Variants in CDH13 observed in about 807,000 individuals in gnomAD.
CDH13 encodes cadherin 13.
CDH13 carries 24 observed loss-of-function variants against 63.8 expected under a neutral mutation model. The ratio of observed to expected loss-of-function variants is 0.38; its 90% CI spans 0.27 to 0.53. The LOEUF is 0.53. Ranked by LOEUF, CDH13 falls within the 20% of genes least tolerant of loss-of-function variation. The pLI is 0.85. For missense variants in CDH13, 1,049 were observed against 903.1 expected, an observed-to-expected ratio of 1.16 and a Z score of -2.07; for synonymous variants, 503 against 355.3, an observed-to-expected ratio of 1.42 and a Z score of -4.67.
chr16:83,415,409 C>T (rs1290882549), intron 6 of CDH13, among the ~76,000 whole-genome samples: 2 of 152,174 alleles, frequency 1.3e-5, no homozygotes, highest in East Asian at 1.9e-4. Context: ...CTTCCAAACT[C>T]ATTTTATAAA....
chr16:83,281,486 T>G (rs1273895681), intron 5 of CDH13, among the ~76,000 whole-genome samples: 1 of 152,234 alleles, frequency 6.6e-6, no homozygotes, highest in Non-Finnish European at 1.5e-5. Context: ...TCCTTGCCAT[T>G]CATGTGTTTA....
At chr16:83,492,858 G>A (rs1181484426) in intron 7 of CDH13, among the ~76,000 whole-genome samples, 1 of 152,116 alleles carries the variant, frequency 6.6e-6, no homozygotes, top group Non-Finnish European at 1.5e-5. Context: ...GGACTCCACT[G>A]GTAACCGTAA....
intron 2 of CDH13, among the ~76,000 whole-genome samples, chr16:83,023,309 C>A (rs1029195949): frequency 6.6e-6 from 1 of 152,038 alleles, no homozygotes; most frequent in Non-Finnish European, 1.5e-5. Context: ...TACCCCCCGA[C>A]TCCACCCCGC....
chr16:83,222,981 C>T (rs939347536), intron 5 of CDH13, among the ~76,000 whole-genome samples: 29 of 151,968 alleles, frequency 1.9e-4, no homozygotes, highest in African/African-American at 6.8e-4. Flanking sequence ...CCACTAGATG[C>T]CAGTACCACC....
intron 1 of CDH13, among the ~76,000 whole-genome samples, chr16:82,716,063 C>T (rs1754134999): frequency 6.6e-6 from 1 of 152,202 alleles, no homozygotes; most frequent in Non-Finnish European, 1.5e-5. Flanking sequence ...AGGAAATGAC[C>T]TTCCAGGCAT....
At chr16:83,527,434 G>T (rs369384477) in intron 7 of CDH13, among the ~76,000 whole-genome samples, 2 of 151,140 alleles carry the variant, frequency 1.3e-5, no homozygotes, top group African/African-American at 4.9e-5. Flanking sequence ...GGGCGACAAA[G>T]CGAGACCCCA....
At chr16:83,490,922 T>TTC (rs1240099854) in intron 7 of CDH13, among the ~76,000 whole-genome samples, 1 of 152,186 alleles carries the variant, frequency 6.6e-6, no homozygotes, top group Non-Finnish European at 1.5e-5. Flanking sequence ...TGGATTTCTG[T>TTC]TCTCTCTCTC....
At chr16:83,202,963 C>A (rs191665936) in intron 4 of CDH13, among the ~76,000 whole-genome samples, 1 of 152,130 alleles carries the variant, frequency 6.6e-6, no homozygotes, top group South Asian at 2.1e-4. Flanking sequence ...CAGTGGCTCA[C>A]GCCTGTAATC....
At chr16:83,187,887 C>T (rs1220395636) in intron 4 of CDH13, among the ~76,000 whole-genome samples, 2 of 152,104 alleles carry the variant, frequency 1.3e-5, no homozygotes, top group African/African-American at 2.4e-5. Flanking sequence ...GGGAGGCCCT[C>T]AGTGAGAACT....
At chr16:83,604,887 C>A (rs9934524) in intron 8 of CDH13, among the ~76,000 whole-genome samples, 1 of 151,978 alleles carries the variant, frequency 6.6e-6, no homozygotes, top group Non-Finnish European at 1.5e-5. Flanking sequence ...AAAAAGAAAT[C>A]TTTGCTCAGT....
At chr16:83,335,175 C>T (rs2090566696) in intron 5 of CDH13, among the ~76,000 whole-genome samples, 1 of 152,092 alleles carries the variant, frequency 6.6e-6, no homozygotes, top group Admixed American at 6.5e-5. Flanking sequence ...GGAATCTCTG[C>T]AGAATTTTGT....
At chr16:83,355,031 C>G (rs2091025923) in intron 6 of CDH13, among the ~76,000 whole-genome samples, 1 of 152,068 alleles carries the variant, frequency 6.6e-6, no homozygotes, top group South Asian at 2.1e-4. Flanking sequence ...GCTTAGAACT[C>G]CATACATTTT....
At chr16:83,436,998 T>C (rs1002687345) in intron 6 of CDH13, among the ~76,000 whole-genome samples, 27 of 152,342 alleles carry the variant, frequency 1.8e-4, no homozygotes, top group African/African-American at 6.3e-4. Context: ...ATTTTGGTGC[T>C]TGAGAACAAA....
intron 6 of CDH13, among the ~76,000 whole-genome samples, chr16:83,377,083 T>A (rs902766609): frequency 1.3e-5 from 2 of 152,180 alleles, no homozygotes; most frequent in Non-Finnish European, 2.9e-5. Flanking sequence ...CAACCCTGGC[T>A]GACCTCATGA....
chr16:83,789,744 T>C (rs930137187), intron 13 of CDH13, among the ~76,000 whole-genome samples: 2 of 152,190 alleles, frequency 1.3e-5, no homozygotes, highest in East Asian at 1.9e-4. Context: ...ATCTCTTTGA[T>C]GTTTCTTTAA....
At chr16:82,888,513 C>G (rs896846473) in intron 2 of CDH13, among the ~76,000 whole-genome samples, 1 of 152,228 alleles carries the variant, frequency 6.6e-6, no homozygotes, top group South Asian at 2.1e-4. Flanking sequence ...TCTGCTCCCC[C>G]ACAGCATCTC....
At chr16:82,975,780 T>C (rs1353532578) in intron 2 of CDH13, among the ~76,000 whole-genome samples, 1 of 152,188 alleles carries the variant, frequency 6.6e-6, no homozygotes, top group Non-Finnish European at 1.5e-5. Flanking sequence ...AAGGCCTTTA[T>C]ATATTATTTT....
intron 2 of CDH13, among the ~76,000 whole-genome samples, chr16:82,919,241 A>G (rs1325720282): frequency 1.3e-5 from 2 of 152,218 alleles, no homozygotes; most frequent in African/African-American, 4.8e-5. Flanking sequence ...AGGAGAATAT[A>G]TGCAGGTTAG....
At chr16:83,700,597 ATTTCT>A (rs1906072090) in intron 10 of CDH13, among the ~76,000 whole-genome samples, 1 of 152,038 alleles carries the variant, frequency 6.6e-6, no homozygotes, top group Non-Finnish European at 1.5e-5. Flanking sequence ...GTGTACATAT[ATTTCT>A]TTTGTTTACA....
Sources: allele counts gnomAD v4.1 joint callset (sites outside exome capture counted in the v4.1 genomes callset), GRCh38; gene constraint gnomAD v4.1.1; transcripts MANE v1.5; gene names NCBI Gene and HGNC (gene_info 2026-07-23, HGNC 2026-07-21).